CTIF: variants seen among roughly 807,000 people sequenced by gnomAD.
CTIF encodes the protein cap binding complex dependent translation initiation factor.
A neutral mutation model predicts 66.0 loss-of-function variants in CTIF; 21 were observed. The observed-to-expected ratio is 0.32, with a 90% confidence interval of 0.23 to 0.46. CTIF has a LOEUF of 0.46. Ranked by LOEUF, CTIF falls within the 20% of genes least tolerant of loss-of-function variation. The pLI is 1.00. For synonymous variants in CTIF, 345 were observed against 326.4 expected (o/e 1.06, Z -0.62); for missense variants, 739 against 812.7 (o/e 0.91, Z 1.10).
chr18:48,599,280 T>C (rs2090046647), intron 1 of CTIF, among the ~76,000 whole-genome samples: 1 of 151,912 alleles, frequency 6.6e-6, no homozygotes, highest in Non-Finnish European at 1.5e-5. Context: ...AGAACCAGTG[T>C]TCTAGCCAGG....
intron 9 of CTIF, among the ~76,000 whole-genome samples, chr18:48,784,398 C>T (rs1189496195): frequency 2.0e-5 from 3 of 152,182 alleles, no homozygotes; most frequent in South Asian, 4.1e-4. Context: ...GGGTTGTTCC[C>T]GAGTATAGTG....
At chr18:48,702,253 C>T (rs533787519) in intron 6 of CTIF, among the ~76,000 whole-genome samples, 2 of 152,324 alleles carry the variant, frequency 1.3e-5, no homozygotes, top group South Asian at 4.1e-4. Context: ...CTTGGAGCAT[C>T]CAAGGAAGTC....
chr18:48,815,564 A>G (rs1401169668), intron 9 of CTIF, among the ~76,000 whole-genome samples: 1 of 152,228 alleles, frequency 6.6e-6, no homozygotes, highest in African/African-American at 2.4e-5. Flanking sequence ...CTTTTTTGTA[A>G]CTGATGAAAC....
intron 10 of CTIF, among the ~76,000 whole-genome samples, chr18:48,831,479 G>A (rs2068690079): frequency 6.6e-6 from 1 of 152,242 alleles, no homozygotes; most frequent in South Asian, 2.1e-4. Context: ...GCTCAGCAGG[G>A]CCCTCCTCAC....
intron 10 of CTIF, among the ~76,000 whole-genome samples, chr18:48,833,091 C>T (rs565971324): frequency 6.6e-6 from 1 of 152,298 alleles, no homozygotes; most frequent in East Asian, 1.9e-4. Flanking sequence ...AGAGGCTGCC[C>T]CAGGCTTGGA....
chr18:48,615,608 C>T (rs1448252113), intron 1 of CTIF, among the ~76,000 whole-genome samples: 3 of 152,216 alleles, frequency 2.0e-5, no homozygotes, highest in Non-Finnish European at 2.9e-5. Flanking sequence ...GCTGAGGGAC[C>T]ACGTGGAGCA....
intron 1 of CTIF, among the ~76,000 whole-genome samples, chr18:48,606,092 T>C (rs539389675): frequency 2.0e-5 from 3 of 152,310 alleles, no homozygotes; most frequent in South Asian, 2.1e-4. Flanking sequence ...TTCTACAAGG[T>C]AGTGGATATG....
intron 9 of CTIF, among the ~76,000 whole-genome samples, chr18:48,803,503 A>C (rs1026370497): frequency 1.3e-5 from 2 of 152,318 alleles, no homozygotes; most frequent in Non-Finnish European, 1.5e-5. Flanking sequence ...ATTTGACATG[A>C]TGCTCAGGAG....
rs140252879 is a variant in CTIF at position 48,701,372 on chromosome 18, T to C, written c.508-10247T>C. On this transcript the variant is annotated intron_variant, in intron 6 of 11. Transcript: ENST00000256413. ...GTCAGTCCACTCCAGTTCCATTCTC[T>C]TGTGCGTGTCCCGTGTCAATGAGCA... is the stretch of plus-strand genomic sequence containing the variant. 3.6e-3 allele frequency among the ~76,000 whole-genome samples: 542 copies of C among 152,326 alleles called. 2 individuals are homozygous for C. The highest frequency in any genetic ancestry group is 0.012 in the South Asian group (56 of 4,830).
intron 2 of CTIF, among the ~76,000 whole-genome samples, chr18:48,629,139 C>T (rs1010919602): frequency 6.6e-6 from 1 of 152,142 alleles, no homozygotes; most frequent in African/African-American, 2.4e-5. Context: ...TTGTGCAGCC[C>T]CCACCTGGCA....
At chr18:48,785,135 T>C (rs963249925) in intron 9 of CTIF, among the ~76,000 whole-genome samples, 15 of 152,344 alleles carry the variant, frequency 9.8e-5, no homozygotes, top group Non-Finnish European at 7.3e-5. Flanking sequence ...TCTTTTGTCC[T>C]TCCTTCCTTC....
At chr18:48,541,603 G>A (rs115354991) in intron 1 of CTIF, among the ~76,000 whole-genome samples, 2,756 of 152,328 alleles carry the variant, frequency 0.018, 81 homozygotes, top group African/African-American at 0.061. Flanking sequence ...AGACGCTAGA[G>A]GATGGCCAGG....
rs115227449 is a variant in CTIF at position 48,776,582 on chromosome 18, T to C, written c.1371+14893T>C. On this transcript the variant is annotated intron_variant, in intron 9 of 11. Coordinates refer to ENST00000256413, the MANE Select transcript of CTIF (RefSeq NM_014772.3). Reference sequence around the variant, plus strand: ...CACCGTCTGAGCCTCAGCATCCCCATAGGGGAAACGAGGGCACTGGGTCGG... The same window carrying C: ...CACCGTCTGAGCCTCAGCATCCCCACAGGGGAAACGAGGGCACTGGGTCGG... Among the ~76,000 whole-genome samples, 389 of 152,306 alleles carry C rather than the reference T, an allele frequency of 2.6e-3. 1 individual carries two copies. Among genetic ancestry groups the C allele is most frequent in the African/African-American group, 7.7e-3 (320 of 41,582 alleles).
At chr18:48,625,693 G>A (rs994997676) in intron 2 of CTIF, among the ~76,000 whole-genome samples, 1 of 152,162 alleles carries the variant, frequency 6.6e-6, no homozygotes, top group Non-Finnish European at 1.5e-5. Context: ...TTGCACATCT[G>A]CTGTGTTCCG....
intron 7 of CTIF, among the ~76,000 whole-genome samples, chr18:48,712,070 C>G (rs2092230654): frequency 6.6e-6 from 1 of 152,154 alleles, no homozygotes; most frequent in African/African-American, 2.4e-5. Flanking sequence ...TGTTTTGAGA[C>G]ATGGCCTCCA....
chr18:48,656,787 T>C (rs1436885147), intron 3 of CTIF, among the ~76,000 whole-genome samples: 1 of 152,160 alleles, frequency 6.6e-6, no homozygotes, highest in African/African-American at 2.4e-5. Context: ...TCTCAGAACC[T>C]TGGCATTTCA....
chr18:48,704,512 T>C lies in CTIF; in HGVS notation c.508-7107T>C, dbSNP rs1021200117. Among the ~76,000 whole-genome samples, 3 of 152,296 alleles carry C rather than the reference T, an allele frequency of 2.0e-5. No individual in the cohort carries two copies. In the South Asian group the frequency reaches 6.2e-4, roughly 32 times the overall value. On this transcript the variant is annotated intron_variant, in intron 6 of 11. Transcript: ENST00000256413. ...ACAAAGGACCGCAAACTGGGTGACT[T>C]AGAACGGAAACTTCTTGGCTCACTG...
At chr18:48,681,367 T>C (rs1217823966) in intron 6 of CTIF, among the ~76,000 whole-genome samples, 2 of 152,290 alleles carry the variant, frequency 1.3e-5, no homozygotes, top group East Asian at 1.9e-4. Flanking sequence ...TGAGTGGCCA[T>C]TGGGTCCCTG....
chr18:48,559,261 C>T (rs1177109232), intron 1 of CTIF, among the ~76,000 whole-genome samples: 3 of 151,718 alleles, frequency 2.0e-5, no homozygotes, highest in Non-Finnish European at 4.4e-5. Context: ...ACCTTCAGAC[C>T]ATCCTGAGAC....
Sources: gnomAD v4.1 joint callset for allele counts (sites outside exome capture counted in the v4.1 genomes callset) on GRCh38, gnomAD v4.1.1 for gene constraint, MANE v1.5 for transcripts, NCBI Gene and HGNC (gene_info 2026-07-23, HGNC 2026-07-21) for gene names.